The following MEF2D variants were observed in gnomAD, a reference collection of about 807,000 sequenced individuals.
MEF2D encodes the protein myocyte enhancer factor 2D, also known as myocyte-specific enhancer factor 2D.
MEF2D carries 10 observed loss-of-function variants against 59.3 expected under a neutral mutation model. That is an observed-to-expected ratio of 0.17 (90% confidence interval 0.10 to 0.29). The LOEUF is 0.29. Ranked by LOEUF, MEF2D falls within the 10% of genes least tolerant of loss-of-function variation. MEF2D has a pLI of 1.00. For synonymous variants in MEF2D, 305 were observed against 295.0 expected (o/e 1.03, Z -0.35); for missense variants, 508 against 699.4 (o/e 0.73, Z 3.09).
chr1:156,500,081 A>T (rs1006239861), intron 1 of MEF2D, among the ~76,000 whole-genome samples: 17 of 151,870 alleles, frequency 1.1e-4, no homozygotes, highest in Non-Finnish European at 2.2e-4. Context: ...AGAGGGAGGG[A>T]GGGCCGGCTG....
In MEF2D at chr1:156,468,170, G is replaced by A. The variant is rs1210543618; in HGVS notation, c.1377C>T (p.Phe459=). 3 of 1,613,882 alleles carry A rather than the reference G, an allele frequency of 1.9e-6. No homozygotes were observed. The highest frequency in any genetic ancestry group is 2.5e-6 in the Non-Finnish European group (3 of 1,179,832). ...CGCCAGGCTCAGGGCGGGCAGCTGG[G>A]AACACAGCTGGAGGGGGAGGCGCAG... ...RSPAPPPPAV[F]PAARPEPGDG... is the part of the protein sequence containing the mutation. The change falls in exon 11 of 12, where the codon TTC becomes TTT. Residue 459 remains phenylalanine, a synonymous_variant. Transcript: ENST00000348159. This position sits in a 1 kb window ranked among gnomAD's most constrained non-coding sequence, Gnocchi z 4.3.
At chr1:156,481,026 T>C in intron 3 of MEF2D, 55 bp from the exon 4 acceptor site, 1 of 1,606,544 alleles carries the variant, frequency 6.2e-7, no homozygotes, top group Non-Finnish European at 8.5e-7. Context: ...CCCGCCTCGC[T>C]GGAGTTCCTT....
At chr1:156,493,057 G>A (rs1236440161) in intron 1 of MEF2D, among the ~76,000 whole-genome samples, 1 of 152,170 alleles carries the variant, frequency 6.6e-6, no homozygotes, top group Non-Finnish European at 1.5e-5. Context: ...GGCAGTGTTT[G>A]TCCCCTTTTT....
Position 156,468,091 on chromosome 1 carries a change from C to T in MEF2D, c.1456G>A (p.Gly486Arg), listed in dbSNP as rs149999157. ...AGTGTGGGCCCGAAGTCCCCCCGTC[C>T]GTCATCCCGGTCTCCCGTCTCATAG... ...GSYETGDRDD[G>R]RGDFGPTLGL... Residue 486 changes from glycine (G) to arginine (R), a missense_variant, in exon 11 of 12, where the codon GGA becomes AGA. Gly to Arg is a moderately radical substitution (Grantham distance 125, BLOSUM62 -2). Transcript: ENST00000348159. The surrounding 1 kb of genome is among the most constrained non-coding windows in gnomAD (Gnocchi z 4.3). 1.5e-4 allele frequency: 242 copies of T among 1,614,078 alleles called. No individual in the cohort carries two copies. The highest frequency in any genetic ancestry group is 1.8e-4 in the Non-Finnish European group (213 of 1,179,974).
chr1:156,484,108 T>C (rs1238956879), intron 1 of MEF2D: 1 of 152,216 alleles, frequency 6.6e-6, no homozygotes, highest in Admixed American at 6.5e-5. Flanking sequence ...ATAAGCCTAG[T>C]CAAGTGCAGT....
chr1:156,467,950 G>A (rs1231110482), intron 11 of MEF2D, 43 bp downstream of exon 11: 1 of 1,579,916 alleles, frequency 6.3e-7, no homozygotes, highest in Admixed American at 1.7e-5. Context: ...CAGTCCCTGG[G>A]TGTAGCAGAC....
rs1671024390 is a variant in MEF2D, at chr1:156,468,641, G to A, written c.1247+139C>T. 5 of 1,400,162 alleles carry A rather than the reference G, an allele frequency of 3.6e-6. No homozygotes were observed. In the East Asian group the frequency reaches 1.2e-4, roughly 33 times the overall value. 86.7% of individuals were successfully genotyped at this position (1,400,162 alleles called of 1,614,324 possible). ...AAGAGAGCCCAGGGGTGCCACTGTTGCCTAACAGACTGTGCAGTGCACAGC... is the reference window on the plus strand; with the variant it reads ...AAGAGAGCCCAGGGGTGCCACTGTTACCTAACAGACTGTGCAGTGCACAGC... On this transcript the variant is annotated intron_variant, in intron 10 of 11. Transcript: ENST00000348159. This position sits in a 1 kb window ranked among gnomAD's most constrained non-coding sequence, Gnocchi z 4.3.
chr1:156,499,954 C>A (rs1673385120), intron 1 of MEF2D, among the ~76,000 whole-genome samples: 1 of 152,128 alleles, frequency 6.6e-6, no homozygotes, highest in Non-Finnish European at 1.5e-5. Flanking sequence ...TCCCCCCTCC[C>A]TCCCCCGCTT....
chr1:156,474,375 G>C (rs1327961296), intron 9 of MEF2D, among the ~76,000 whole-genome samples: 1 of 152,122 alleles, frequency 6.6e-6, no homozygotes, highest in Non-Finnish European at 1.5e-5. Flanking sequence ...CCTGAACCCA[G>C]GAAGAAGAGG....
chr1:156,494,604 C>T (rs1389258282), intron 1 of MEF2D, among the ~76,000 whole-genome samples: 1 of 152,202 alleles, frequency 6.6e-6, no homozygotes, highest in African/African-American at 2.4e-5. Context: ...TCCTTGCCCC[C>T]ACCCCTGCTT....
In MEF2D at chr1:156,477,081, T is replaced by C. The variant is rs1045688903; in HGVS notation, c.786A>G (p.Gly262=). The C allele has an allele frequency of 1.2e-5, 19 of 1,613,796 alleles. No homozygotes were observed. Among genetic ancestry groups the C allele is most frequent in the Non-Finnish European group, 1.6e-5 (19 of 1,179,866 alleles). Residue 262 remains glycine (G), a synonymous_variant, in exon 7 of 12, where the codon GGA becomes GGG. Coordinates refer to ENST00000348159, the MANE Select transcript of MEF2D (RefSeq NM_005920.4). ...PPPPTHSTQL[G]APSRKPDLRV... ...GCAGGTCGGGCTTGCGGCTGGGGGC[T>C]CCAAGCTGGGTGCTGTGGGTAGGTG...
Position 156,468,247 on chromosome 1 carries a change from G to A in MEF2D, c.1300C>T (p.Pro434Ser), listed in dbSNP as rs2274315. 144 of 1,594,492 alleles carry A rather than the reference G, an allele frequency of 9.0e-5. No homozygotes were observed. In the East Asian group the frequency reaches 2.8e-3, roughly 31 times the overall value. ...VGAALTVTTHPHISIKSEPVS... is the reference protein window; with the variant it reads ...VGAALTVTTHSHISIKSEPVS... ...GGTTCTGACTTGATGCTGATGTGGG[G>A]GTGGGTGGTGACTGTGAGGGCAGCA... Residue 434 changes from proline to serine, a missense_variant, in exon 11 of 12, where the codon CCC becomes TCC. Physicochemically the swap from Pro to Ser is moderately conservative, Grantham distance 74. This residue lies in a region of MEF2D where 481 missense variants were observed against 584.7 expected (regional missense o/e 0.82). Coordinates refer to ENST00000348159, the MANE Select transcript of MEF2D (RefSeq NM_005920.4). This position sits in a 1 kb window ranked among gnomAD's most constrained non-coding sequence, Gnocchi z 4.3.
intron 1 of MEF2D, among the ~76,000 whole-genome samples, chr1:156,496,107 T>C (rs1220611064): frequency 6.6e-6 from 1 of 152,154 alleles, no homozygotes; most frequent in Non-Finnish European, 1.5e-5. Flanking sequence ...ACCAGAAGCA[T>C]AACTTGGCTC....
intron 9 of MEF2D, 46 bp from the exon 10 acceptor site, chr1:156,469,066 C>T: frequency 6.4e-7 from 1 of 1,555,086 alleles, no homozygotes; most frequent in Non-Finnish European, 8.7e-7. Context: ...GGGGAGAGCA[C>T]ACAGGCTCCT....
At chr1:156,497,858 G>A (rs545666307) in intron 1 of MEF2D, among the ~76,000 whole-genome samples, 2 of 152,074 alleles carry the variant, frequency 1.3e-5, no homozygotes, top group East Asian at 3.9e-4. Context: ...ATGGGGAGAG[G>A]TCCAGGCCTC....
At chr1:156,480,649 T>TCTATAA in intron 4 of MEF2D, 185 bp downstream of exon 4, 5 of 1,551,250 alleles carry the variant, frequency 3.2e-6, no homozygotes, top group Non-Finnish European at 3.5e-6. Context: ...TCACGGCCAG[T>TCTATAA]CTATAACTCT....
rs199752185 is a variant in MEF2D at position 156,487,172 on chromosome 1, G to GC, written c.-138-3743dup. Among the ~76,000 whole-genome samples the GC allele has an allele frequency of 3.1e-3, 471 of 151,910 alleles. 1 individual carries two copies. Among genetic ancestry groups the GC allele is most frequent in the African/African-American group, 9.7e-3 (401 of 41,408 alleles). Reference sequence around the variant, plus strand: ...AGCTCCCTGGCTGATCTCCTACACCGCCCCCCCCACCCCCGCCTCATGCTG... The same window carrying GC: ...AGCTCCCTGGCTGATCTCCTACACCGCCCCCCCCCACCCCCGCCTCATGCTG... On this transcript the variant is annotated intron_variant, in intron 1 of 11. Coordinates refer to ENST00000348159, the MANE Select transcript of MEF2D (RefSeq NM_005920.4).
chr1:156,467,357 T>A lies in MEF2D; in HGVS notation c.*288A>T, dbSNP rs1478157103. ...CAGCATATGTGTACAACGTGCAAAG[T>A]GTCCCCCCTTCCCGCGAAAAAGAGA... On this transcript the variant is annotated 3_prime_UTR_variant, in exon 12 of 12. Transcript: ENST00000348159. 6.2e-6 allele frequency: 1 copy of A among 160,118 alleles called. No homozygotes were observed. The highest frequency in any genetic ancestry group is 2.5e-5 in the African/African-American group (1 of 40,510). The allele number at this position is 160,118 out of a possible 1,614,324, so 9.9% of individuals were successfully genotyped here.
intron 1 of MEF2D, among the ~76,000 whole-genome samples, chr1:156,492,643 T>C (rs928241438): frequency 6.6e-6 from 1 of 152,208 alleles, no homozygotes; most frequent in African/African-American, 2.4e-5. Context: ...CTAACCCAAT[T>C]TGGTCATCTA....
Sources: allele counts gnomAD v4.1 joint callset (sites outside exome capture counted in the v4.1 genomes callset), GRCh38; gene constraint gnomAD v4.1.1; regional missense constraint gnomAD v4.1.1; non-coding constraint Gnocchi (gnomAD v3.1); transcripts MANE v1.5; gene names NCBI Gene and HGNC (gene_info 2026-07-23, HGNC 2026-07-21).